SYN3: variants seen among roughly 807,000 people sequenced by gnomAD.
SYN3 encodes synapsin III.
SYN3 carries 35 observed loss-of-function variants against 65.8 expected under a neutral mutation model. The ratio of observed to expected loss-of-function variants is 0.53; its 90% CI spans 0.41 to 0.70. SYN3 has a LOEUF of 0.70. Among genes scored for constraint, SYN3 ranks in the 30% least tolerant of loss-of-function variants. The pLI, the probability that SYN3 is intolerant of heterozygous loss-of-function variation, is 0.00. For missense variants in SYN3, 680 were observed against 749.0 expected (o/e 0.91, Z 1.08); for synonymous variants, 270 against 292.9 (o/e 0.92, Z 0.80).
intron 6 of SYN3, among the ~76,000 whole-genome samples, chr22:32,670,270 A>G (rs1401227493): frequency 6.6e-6 from 1 of 152,184 alleles, no homozygotes; most frequent in East Asian, 1.9e-4. Context: ...CCTCACATGC[A>G]TTGATTTTTA....
chr22:32,780,821 A>C (rs999723451), intron 6 of SYN3, among the ~76,000 whole-genome samples: 9 of 152,142 alleles, frequency 5.9e-5, no homozygotes, highest in Non-Finnish European at 1.2e-4. Flanking sequence ...AAATGATTTC[A>C]TGTAGGTAAG....
At chr22:32,734,054 G>A (rs1041302429) in intron 6 of SYN3, among the ~76,000 whole-genome samples, 1 of 152,182 alleles carries the variant, frequency 6.6e-6, no homozygotes, top group Non-Finnish European at 1.5e-5. Context: ...AGACTGTCTA[G>A]GGCCACTGCT....
intron 3 of SYN3, among the ~76,000 whole-genome samples, chr22:32,953,812 T>C (rs1273672946): frequency 6.6e-6 from 1 of 152,192 alleles, no homozygotes; most frequent in African/African-American, 2.4e-5. Context: ...ATGGTGGAGA[T>C]GATTCTCCTC....
chr22:32,724,109 A>T (rs896112687), intron 6 of SYN3, among the ~76,000 whole-genome samples: 1 of 152,202 alleles, frequency 6.6e-6, no homozygotes, highest in African/African-American at 2.4e-5. Flanking sequence ...AAACTAGTCC[A>T]AGTCATCCAG....
At chr22:32,661,145 C>T (rs2060210631) in intron 6 of SYN3, among the ~76,000 whole-genome samples, 1 of 152,246 alleles carries the variant, frequency 6.6e-6, no homozygotes. Flanking sequence ...ATTTTCTTCT[C>T]TAACAGAGGG....
At chr22:32,982,866 C>A (rs902744610) in intron 2 of SYN3, among the ~76,000 whole-genome samples, 4 of 152,108 alleles carry the variant, frequency 2.6e-5, no homozygotes, top group African/African-American at 9.7e-5. Context: ...ACCACCACCA[C>A]GAAGTAGATA....
intron 6 of SYN3, among the ~76,000 whole-genome samples, chr22:32,813,663 A>T (rs1296372252): frequency 2.0e-5 from 3 of 146,826 alleles, no homozygotes; most frequent in African/African-American, 7.5e-5. Flanking sequence ...GTAACACCCA[A>T]TTTTTTTTTT....
In SYN3 at chr22:32,522,432, T is replaced by A. The variant is rs114693461; in HGVS notation, c.1319-4098A>T. Reference sequence around the variant, plus strand: ...GCTCTCTGTTTTAAAACGGCTCTGTTCAAATGTGCTTTTAAAAAGCAGGTC... The same window carrying A: ...GCTCTCTGTTTTAAAACGGCTCTGTACAAATGTGCTTTTAAAAAGCAGGTC... On this transcript the variant is annotated intron_variant, in intron 12 of 13. Transcript: ENST00000358763. Among the ~76,000 whole-genome samples, 796 of 152,218 alleles carry A rather than the reference T, an allele frequency of 5.2e-3. 10 individuals are homozygous for A. Among genetic ancestry groups the A allele is most frequent in the African/African-American group, 0.018 (755 of 41,540 alleles).
chr22:33,035,330 ACCCCCCCCC>A lies in SYN3; in HGVS notation c.-163+22953_-163+22961del, dbSNP rs133975. Among the ~76,000 whole-genome samples the A allele has an allele frequency of 6.4e-5, 2 of 31,434 alleles. 1 individual carries two copies. The highest frequency in any genetic ancestry group is 1.7e-4 in the African/African-American group (2 of 11,592). 20.6% of individuals were successfully genotyped at this position (31,434 alleles called of 152,430 possible). A position where few individuals can be genotyped will look rare whatever the true frequency, so the allele number is the denominator to read the frequency against. ...GGAAAGAAAAATTAAAAATCTCGGGACCCCCCCCCCCCCCGCCACCAAACTTCTTATGCA... is the reference window on the plus strand; with the variant it reads ...GGAAAGAAAAATTAAAAATCTCGGGACCCCCGCCACCAAACTTCTTATGCA... On this transcript the variant is annotated intron_variant, in intron 1 of 13. Transcript: ENST00000358763.
chr22:33,032,813 C>T (rs570306160), intron 1 of SYN3, among the ~76,000 whole-genome samples: 1 of 152,224 alleles, frequency 6.6e-6, no homozygotes, highest in East Asian at 1.9e-4. Flanking sequence ...ACCCCAACAC[C>T]ACCCGCCCCA....
chr22:32,854,102 T>G (rs2048297448), intron 6 of SYN3, among the ~76,000 whole-genome samples: 1 of 152,242 alleles, frequency 6.6e-6, no homozygotes, highest in African/African-American at 2.4e-5. Context: ...TAGATCTCTA[T>G]GATTACAGAC....
intron 4 of SYN3, among the ~76,000 whole-genome samples, chr22:32,877,281 A>C (rs975647021): frequency 2.0e-5 from 3 of 152,232 alleles, no homozygotes; most frequent in Non-Finnish European, 4.4e-5. Context: ...ATGAGACTTC[A>C]GGCCCTCTGT....
At chr22:32,527,467 G>A (rs1041950348) in intron 12 of SYN3, among the ~76,000 whole-genome samples, 1 of 152,096 alleles carries the variant, frequency 6.6e-6, no homozygotes, top group African/African-American at 2.4e-5. Flanking sequence ...GGGCGTGGCG[G>A]TGTGCACCTG....
In SYN3 at chr22:32,643,557, C is replaced by T. The variant is rs8136355; in HGVS notation, c.712-46821G>A. On this transcript the variant is annotated intron_variant, in intron 6 of 13. Coordinates refer to ENST00000358763, the MANE Select transcript of SYN3 (RefSeq NM_003490.4). ...GGGCAAATTAGAAATGGTGGGGGGG[C>T]GGGGGGGGCAGAACAGACCCATAAA... 3.5e-4 allele frequency among the ~76,000 whole-genome samples: 7 copies of T among 19,922 alleles called. 1 individual carries two copies. The highest frequency in any genetic ancestry group is 5.1e-4 in the Non-Finnish European group (6 of 11,818). 13.1% of individuals were successfully genotyped at this position (19,922 alleles called of 152,430 possible).
rs180948922 is a variant in SYN3, at chr22:32,769,076, C to T, written c.711+95839G>A. Among the ~76,000 whole-genome samples the T allele has an allele frequency of 6.2e-4, 95 of 152,286 alleles. 1 individual carries two copies. Among genetic ancestry groups the T allele is most frequent in the African/African-American group, 1.9e-3 (81 of 41,570 alleles). On this transcript the variant is annotated intron_variant, in intron 6 of 13. Transcript: ENST00000358763. Reference sequence around the variant, plus strand: ...GCTCCACCCACATCTCCTCTTTCTCCGGCATCCACTTTTCTTTTTCTAATG... The same window carrying T: ...GCTCCACCCACATCTCCTCTTTCTCTGGCATCCACTTTTCTTTTTCTAATG...
At chr22:32,910,953 G>A (rs1008213048) in intron 4 of SYN3, among the ~76,000 whole-genome samples, 2 of 152,194 alleles carry the variant, frequency 1.3e-5, no homozygotes, top group Non-Finnish European at 2.9e-5. Flanking sequence ...CAGCTAGTAA[G>A]TGATGGAGGG....
At chr22:32,923,503 T>A (rs757503710) in intron 4 of SYN3, among the ~76,000 whole-genome samples, 4 of 152,188 alleles carry the variant, frequency 2.6e-5, no homozygotes, top group Non-Finnish European at 5.9e-5. Context: ...CTTCGGGAGA[T>A]CTAGACCTTG....
At chr22:32,783,343 C>G (rs1248023819) in intron 6 of SYN3, 1 of 152,196 alleles carries the variant, frequency 6.6e-6, no homozygotes, top group Non-Finnish European at 1.5e-5. Context: ...ACCTGGACAG[C>G]ATCTTCTAAG....
intron 3 of SYN3, among the ~76,000 whole-genome samples, chr22:32,944,018 C>T (rs2051027628): frequency 6.6e-6 from 1 of 152,202 alleles, no homozygotes; most frequent in Admixed American, 6.5e-5. Context: ...TAACACCCCA[C>T]TGTCAACATC....
Sources: allele counts gnomAD v4.1 joint callset (sites outside exome capture counted in the v4.1 genomes callset), GRCh38; gene constraint gnomAD v4.1.1; transcripts MANE v1.5; gene names NCBI Gene and HGNC (gene_info 2026-07-23, HGNC 2026-07-21).